Variants in COL6A1 observed in about 807,000 individuals in gnomAD.
COL6A1 encodes the protein collagen type VI alpha 1 chain.
Under a neutral mutation model 145.6 loss-of-function variants are expected in COL6A1, and 80 were observed. The ratio of observed to expected loss-of-function variants is 0.55; its 90% confidence interval spans 0.46 to 0.66. The LOEUF (loss-of-function observed/expected upper bound fraction) is 0.66, where lower values mean the gene tolerates loss of function less well. Among genes scored for constraint, COL6A1 ranks in the 30% least tolerant of loss-of-function variants. The pLI is 0.00. For synonymous variants in COL6A1, 638 were observed against 622.8 expected (o/e 1.02, Z -0.36); for missense variants, 1,364 against 1,473.8 (o/e 0.93, Z 1.22).
chr21:46,004,576 C>T lies in COL6A1; in HGVS notation c.*563C>T. ...ACTCAAAGCAAGCTCTTCTCCTCAG[C>T]TTGGGGCAGCCATTGGCCTCTGTCT... On this transcript the variant is annotated 3_prime_UTR_variant, in exon 35 of 35. Coordinates refer to ENST00000361866, the MANE Select transcript of COL6A1 (RefSeq NM_001848.3). 1 of 339,802 alleles carries T rather than the reference C, an allele frequency of 2.9e-6. No individual in the cohort carries two copies. Among genetic ancestry groups the T allele is most frequent in the South Asian group, 2.2e-5 (1 of 46,478 alleles). The allele number at this position is 339,802 out of a possible 1,614,324, so 21.0% of individuals were successfully genotyped here.
chr21:45,993,250 C>G (rs902072443), intron 19 of COL6A1, among the ~76,000 whole-genome samples: 9 of 152,226 alleles, frequency 5.9e-5, no homozygotes, highest in Non-Finnish European at 1.2e-4. Context: ...GGCCACCCCC[C>G]ACCTTCAGCT....
chr21:46,002,652 C>G lies in COL6A1; in HGVS notation c.2376C>G (p.Asn792Lys). Residue 792 changes from asparagine to lysine, a missense_variant, in exon 33 of 35, where the codon AAC becomes AAG. Coordinates refer to ENST00000361866, the MANE Select transcript of COL6A1 (RefSeq NM_001848.3). ...CCGGCCTCTCGCTGGTCAAGGAGAACTATGCAGAGCTGCTGGAGGATGCCT... is the reference window on the plus strand; with the variant it reads ...CCGGCCTCTCGCTGGTCAAGGAGAAGTATGCAGAGCTGCTGGAGGATGCCT... ...GRPGLSLVKE[N>K]YAELLEDAFL... is the part of the protein sequence containing the mutation. The G allele has an allele frequency of 6.2e-7, 1 of 1,613,984 alleles. No individual in the cohort carries two copies. The highest frequency in any genetic ancestry group is 8.5e-7 in the Non-Finnish European group (1 of 1,179,994).
chr21:45,995,148 C>G (rs1229219126), intron 20 of COL6A1, among the ~76,000 whole-genome samples: 1 of 152,226 alleles, frequency 6.6e-6, no homozygotes, highest in Non-Finnish European at 1.5e-5. Context: ...GTTAAAAATA[C>G]CTGTGTCATA....
chr21:45,993,349 G>T (rs1460413737), intron 19 of COL6A1, among the ~76,000 whole-genome samples: 1 of 152,210 alleles, frequency 6.6e-6, no homozygotes, highest in African/African-American at 2.4e-5. Flanking sequence ...GTGACTTGCT[G>T]GGAAATCTGT....
At chr21:46,002,422 C>G in intron 32 of COL6A1, 21 bp downstream of exon 32, 2 of 1,610,192 alleles carry the variant, frequency 1.2e-6, no homozygotes, top group Non-Finnish European at 1.7e-6. Context: ...CACCCCCAGG[C>G]TGCACCTGCC....
rs771702139 is a variant in COL6A1, at chr21:46,001,986, G to A, written c.1982G>A (p.Gly661Asp). ...TTCGAGCCAGGGCAGTCGTACGCGGGTGTGGTGCAGTACAGCCACAGCCAG... is the reference window on the plus strand; with the variant it reads ...TTCGAGCCAGGGCAGTCGTACGCGGATGTGGTGCAGTACAGCCACAGCCAG... Reference protein sequence around the residue: ...VKFEPGQSYAGVVQYSHSQMQ... With the variant: ...VKFEPGQSYADVVQYSHSQMQ... Residue 661 changes from glycine to aspartate, a missense_variant, in exon 31 of 35, where the codon GGT becomes GAT. This residue lies in a region of COL6A1 where 938 missense variants were observed against 1,003.8 expected (regional missense o/e 0.93). Transcript: ENST00000361866. The A allele has an allele frequency of 5.9e-5, 95 of 1,612,510 alleles. No individual in the cohort carries two copies. The highest frequency in any genetic ancestry group is 8.0e-5 in the Non-Finnish European group (94 of 1,179,900).
chr21:45,987,431 T>A (rs1189355096), intron 6 of COL6A1, 68 bp from the exon 7 acceptor site: 11 of 1,604,930 alleles, frequency 6.9e-6, no homozygotes, highest in Non-Finnish European at 9.4e-6. Flanking sequence ...GGGTCGCATG[T>A]CACCCTGTGT....
At position 46,004,004 on chromosome 21, in the gene COL6A1, G is replaced by A. The variant is rs190043330; in HGVS notation, c.3078G>A (p.Ala1026=). Residue 1026 remains alanine (A), a synonymous_variant, in exon 35 of 35, where the codon GCG becomes GCA. Transcript: ENST00000361866. The part of the protein sequence containing the change: ...VFHQTVSRKV[A]LG ...ACCAGACAGTCTCCAGGAAGGTGGCGCTGGGCTAGCCCACCCTGCACGCCG... is the reference window on the plus strand; with the variant it reads ...ACCAGACAGTCTCCAGGAAGGTGGCACTGGGCTAGCCCACCCTGCACGCCG... 151 of 1,613,100 alleles carry A rather than the reference G, an allele frequency of 9.4e-5. 1 individual carries two copies. The East Asian group carries it at 2.7e-3, about 29-fold the overall frequency.
In COL6A1 at chr21:45,997,482, A is replaced by G; in HGVS notation, c.1460A>G (p.Glu487Gly). 1 of 1,608,790 alleles carries G rather than the reference A, an allele frequency of 6.2e-7. No homozygotes were observed. The highest frequency in any genetic ancestry group is 8.5e-7 in the Non-Finnish European group (1 of 1,178,820). The change falls in exon 21 of 35, where the codon GAG (glutamate) becomes GGG (glycine). Residue 487 changes from glutamate (E) to glycine (G), a missense_variant and splice_region_variant. By Grantham distance (98) the Glu-to-Gly change is moderately conservative (BLOSUM62 -2). Transcript: ENST00000361866. ...YRGDEGPPGS[E>G]GARGAPGPAG... ...GGCGATGAGGGTCCCCCAGGGTCCGAGGTGAGTCCCACTCCCCACCCACAC... is the reference window on the plus strand; with the variant it reads ...GGCGATGAGGGTCCCCCAGGGTCCGGGGTGAGTCCCACTCCCCACCCACAC...
chr21:45,986,985 G>A lies in COL6A1; in HGVS notation c.630G>A (p.Arg210=). 6.4e-7 allele frequency: 1 copy of A among 1,552,468 alleles called. No individual in the cohort carries two copies. The highest frequency in any genetic ancestry group is 8.7e-7 in the Non-Finnish European group (1 of 1,149,200). The change falls in exon 5 of 35, where the codon CGG becomes CGA. Residue 210 remains arginine (R), a synonymous_variant. Transcript: ENST00000361866. ...LSIIATDHTY[R]RNFTAADWGQ... ...TCATCGCCACGGACCACACGTACCG[G>A]CGCAACTTCACGGCGGCTGACTGGG...
chr21:46,002,457 G>T, intron 32 of COL6A1, 56 bp downstream of exon 32: 1 of 1,613,362 alleles, frequency 6.2e-7, no homozygotes, highest in Non-Finnish European at 8.5e-7. Flanking sequence ...CCGCCAGCCA[G>T]GGTGGCCTTG....
At chr21:45,985,447 A>G (rs2077734141) in intron 3 of COL6A1, among the ~76,000 whole-genome samples, 1 of 152,236 alleles carries the variant, frequency 6.6e-6, no homozygotes, top group Non-Finnish European at 1.5e-5. Context: ...AGAGACTGAG[A>G]GACTGAGAGA....
At chr21:45,997,316 TG>T in intron 20 of COL6A1, 104 bp from the exon 21 acceptor site, 4 of 1,065,668 alleles carry the variant, frequency 3.8e-6, no homozygotes, top group Non-Finnish European at 5.8e-6. Flanking sequence ...GGCCAGAGCC[TG>T]GGGGCCCTGA....
intron 20 of COL6A1, among the ~76,000 whole-genome samples, chr21:45,996,562 G>A (rs1350811274): frequency 6.6e-6 from 1 of 151,970 alleles, no homozygotes; most frequent in Non-Finnish European, 1.5e-5. Context: ...CCTAACCACA[G>A]GCCAGGGACA....
intron 30 of COL6A1, 68 bp downstream of exon 30, chr21:46,001,454 C>G: frequency 1.9e-6 from 3 of 1,587,664 alleles, no homozygotes; most frequent in Non-Finnish European, 2.6e-6. Flanking sequence ...CGCCCCTGCC[C>G]GCGCCAGACC....
rs2123482082 is a variant in COL6A1, at chr21:45,997,489, T to G, written c.1461+6T>G. ...AGGGTCCCCCAGGGTCCGAGGTGAGTCCCACTCCCCACCCACACCCGCCCA... is the reference window on the plus strand; with the variant it reads ...AGGGTCCCCCAGGGTCCGAGGTGAGGCCCACTCCCCACCCACACCCGCCCA... On this transcript the variant is annotated splice_donor_region_variant and intron_variant, in intron 21 of 34. Coordinates refer to ENST00000361866, the MANE Select transcript of COL6A1 (RefSeq NM_001848.3). 1.2e-6 allele frequency: 2 copies of G among 1,601,032 alleles called. No individual in the cohort carries two copies. Among genetic ancestry groups the G allele is most frequent in the Non-Finnish European group, 1.7e-6 (2 of 1,176,374 alleles).
rs948988378 is a variant in COL6A1, at chr21:46,004,077, G to A, written c.*64G>A. ...CCCTCCCCACTCATCACTAAACAGA[G>A]TAAAATGTGATGCGAATTTTCCCGA... is the stretch of plus-strand genomic sequence containing the variant. On this transcript the variant is annotated 3_prime_UTR_variant, in exon 35 of 35. Transcript: ENST00000361866. 19 of 1,572,262 alleles carry A rather than the reference G, an allele frequency of 1.2e-5. No homozygotes were observed. The highest frequency in any genetic ancestry group is 8.1e-5 in the African/African-American group (6 of 73,678).
At position 45,981,849 on chromosome 21, in the gene COL6A1, A is replaced by C; in HGVS notation, c.-2A>C. 1 of 1,581,208 alleles carries C rather than the reference A, an allele frequency of 6.3e-7. No individual in the cohort carries two copies. The highest frequency in any genetic ancestry group is 8.6e-7 in the Non-Finnish European group (1 of 1,166,298). ...GCTGTGTGGTGACCGCAGGCCCCAG[A>C]CATGAGGGCGGCCCGTGCTCTGCTG... On this transcript the variant is annotated 5_prime_UTR_variant, in exon 1 of 35. Transcript: ENST00000361866.
At chr21:45,982,865 A>C in intron 2 of COL6A1, 102 bp downstream of exon 2, 1 of 1,520,282 alleles carries the variant, frequency 6.6e-7, no homozygotes, top group East Asian at 2.3e-5. Flanking sequence ...CAACCTCCTA[A>C]GGTTGGGCGA....
Sources: gnomAD v4.1 joint callset for allele counts (sites outside exome capture counted in the v4.1 genomes callset) on GRCh38, gnomAD v4.1.1 for gene constraint, gnomAD v4.1.1 regional missense constraint, MANE v1.5 for transcripts, NCBI Gene and HGNC (gene_info 2026-07-23, HGNC 2026-07-21) for gene names.